The following CACNA2D1 variants were observed in gnomAD, a reference collection of about 807,000 sequenced individuals.
The protein encoded by CACNA2D1 is voltage-dependent calcium channel subunit alpha-2/delta-1.
Under a neutral mutation model 171.5 loss-of-function variants are expected in CACNA2D1, and 53 were observed. The ratio of observed to expected loss-of-function variants is 0.31; its 90% confidence interval spans 0.25 to 0.39. The LOEUF is 0.39. Ranked by LOEUF, CACNA2D1 falls within the 10% of genes least tolerant of loss-of-function variation. CACNA2D1 has a pLI of 1.00. For missense variants in CACNA2D1, 903 were observed against 1,299.8 expected, an observed-to-expected ratio of 0.69 and a Z score of 4.69; for synonymous variants, 442 against 443.1, an observed-to-expected ratio of 1.00 and a Z score of 0.03.
At chr7:82,110,439 T>C (rs78203609) in intron 6 of CACNA2D1, among the ~76,000 whole-genome samples, 11,550 of 152,198 alleles carry the variant, frequency 0.076, 549 homozygotes, top group South Asian at 0.14. Context: ...GGCACCAACC[T>C]GCACCTCGAT....
chr7:82,362,547 C>A (rs560418068), intron 1 of CACNA2D1, among the ~76,000 whole-genome samples: 1 of 152,260 alleles, frequency 6.6e-6, no homozygotes, highest in East Asian at 1.9e-4. Context: ...TTTTAGGTCA[C>A]CTGCAGTAAT....
At chr7:82,011,156 C>T (rs564052647) in intron 15 of CACNA2D1, among the ~76,000 whole-genome samples, 15 of 152,184 alleles carry the variant, frequency 9.9e-5, no homozygotes, top group African/African-American at 3.1e-4. Context: ...TGTTTAACAG[C>T]GTGCCTGGCC....
At chr7:82,412,117 G>A (rs1403891181) in intron 1 of CACNA2D1, among the ~76,000 whole-genome samples, 2 of 151,608 alleles carry the variant, frequency 1.3e-5, no homozygotes, top group Non-Finnish European at 2.9e-5. Flanking sequence ...AAAACATCAG[G>A]TACATAATAA....
intron 1 of CACNA2D1, among the ~76,000 whole-genome samples, chr7:82,426,194 T>C (rs1317267366): frequency 1.3e-5 from 2 of 151,562 alleles, no homozygotes; most frequent in African/African-American, 4.8e-5. Flanking sequence ...TAAATTCTAT[T>C]TGGTTTGTTT....
chr7:82,027,398 T>C (rs1389565983), intron 12 of CACNA2D1, among the ~76,000 whole-genome samples: 2 of 151,670 alleles, frequency 1.3e-5, no homozygotes, highest in African/African-American at 4.8e-5. Context: ...ACAGCAATGT[T>C]TCCAGAAATT....
chr7:82,416,875 T>C (rs1828230597), intron 1 of CACNA2D1, among the ~76,000 whole-genome samples: 1 of 152,194 alleles, frequency 6.6e-6, no homozygotes, highest in South Asian at 2.1e-4. Flanking sequence ...ATTAGGATTG[T>C]TCTTGATATT....
chr7:82,014,823 G>A (rs999948244), intron 12 of CACNA2D1, among the ~76,000 whole-genome samples: 3 of 152,158 alleles, frequency 2.0e-5, no homozygotes, highest in Non-Finnish European at 4.4e-5. Flanking sequence ...GGAGGCCCAG[G>A]CGGGCAGATC....
chr7:82,392,660 C>A (rs772654474), intron 1 of CACNA2D1, among the ~76,000 whole-genome samples: 1 of 151,912 alleles, frequency 6.6e-6, no homozygotes, highest in Non-Finnish European at 1.5e-5. Context: ...AAAGTGGCCA[C>A]GAAAAATCCT....
At chr7:81,989,554 C>A (rs1797318601) in intron 21 of CACNA2D1, among the ~76,000 whole-genome samples, 1 of 152,062 alleles carries the variant, frequency 6.6e-6, no homozygotes, top group Admixed American at 6.6e-5. Context: ...GTGAAGTGAT[C>A]AAGAGTCATC....
intron 3 of CACNA2D1, among the ~76,000 whole-genome samples, chr7:82,210,956 T>C (rs1400502384): frequency 6.6e-6 from 1 of 152,008 alleles, no homozygotes; most frequent in Non-Finnish European, 1.5e-5. Context: ...ATACCTGAGG[T>C]TTTTTATGTG....
chr7:82,155,503 A>T (rs957463058), intron 4 of CACNA2D1, among the ~76,000 whole-genome samples: 26 of 152,172 alleles, frequency 1.7e-4, no homozygotes, highest in African/African-American at 3.6e-4. Context: ...TATACCATAC[A>T]TTTTTTTGTG....
intron 38 of CACNA2D1, among the ~76,000 whole-genome samples, chr7:81,955,200 A>G (rs1793081754): frequency 6.6e-6 from 1 of 152,084 alleles, no homozygotes; most frequent in South Asian, 2.1e-4. Context: ...TATAATCTAT[A>G]TCCTTCCGGA....
intron 3 of CACNA2D1, among the ~76,000 whole-genome samples, chr7:82,190,368 T>C (rs1195169890): frequency 6.6e-6 from 1 of 151,814 alleles, no homozygotes; most frequent in East Asian, 1.9e-4. Flanking sequence ...GAAAAAAATC[T>C]GCTCCGTGGC....
At chr7:82,065,178 C>A (rs114559024) in intron 8 of CACNA2D1, among the ~76,000 whole-genome samples, 1 of 152,138 alleles carries the variant, frequency 6.6e-6, no homozygotes, top group African/African-American at 2.4e-5. Context: ...TGCCAGTTAA[C>A]TTTCCAATTA....
rs376824881 is a variant in CACNA2D1 at position 82,072,831 on chromosome 7, T to C, written c.659-6307A>G. ...GGACTAATAATGCCACTTACTAGGA[T>C]TACAGCTAAGACTTAATGAATTTTA... On this transcript the variant is annotated intron_variant, in intron 7 of 38. Transcript: ENST00000356860. 2.6e-4 allele frequency among the ~76,000 whole-genome samples: 39 copies of C among 152,158 alleles called. No homozygotes were observed. The East Asian group carries it at 5.3e-3, about 21-fold the overall frequency.
intron 3 of CACNA2D1, among the ~76,000 whole-genome samples, chr7:82,294,585 T>C (rs2129419150): frequency 6.6e-6 from 1 of 152,226 alleles, no homozygotes; most frequent in East Asian, 1.9e-4. Context: ...AGTCATGTCA[T>C]TAAGTATCTC....
chr7:82,255,643 G>C (rs978487915), intron 3 of CACNA2D1, among the ~76,000 whole-genome samples: 1 of 152,170 alleles, frequency 6.6e-6, no homozygotes, highest in African/African-American at 2.4e-5. Context: ...ATTAGAACAA[G>C]AGGCCTTAGA....
chr7:82,154,639 G>A (rs7802067), intron 4 of CACNA2D1, among the ~76,000 whole-genome samples: 8,807 of 152,126 alleles, frequency 0.058, 842 homozygotes, highest in African/African-American at 0.2. Context: ...ACATGCTCAC[G>A]TAAATATTGA....
chr7:81,954,796 A>G (rs989133838), intron 38 of CACNA2D1, among the ~76,000 whole-genome samples: 2 of 152,144 alleles, frequency 1.3e-5, no homozygotes, highest in African/African-American at 4.8e-5. Flanking sequence ...AGTCTGTACT[A>G]AAGTTACCAC....
Sources: allele counts gnomAD v4.1 joint callset (sites outside exome capture counted in the v4.1 genomes callset), GRCh38; gene constraint gnomAD v4.1.1; transcripts MANE v1.5; gene names NCBI Gene and HGNC (gene_info 2026-07-23, HGNC 2026-07-21).